The following SH3GL3 variants were observed in gnomAD, a reference collection of about 807,000 sequenced individuals.
SH3GL3 encodes the protein endophilin-A3.
Under a neutral mutation model 47.7 loss-of-function variants are expected in SH3GL3, and 33 were observed. The ratio of observed to expected loss-of-function variants is 0.69; its 90% CI spans 0.52 to 0.92. The LOEUF (loss-of-function observed/expected upper bound fraction) is 0.92, where lower values mean the gene tolerates loss of function less well. SH3GL3 is among the 40% of genes least tolerant of loss of function. The pLI, the probability that SH3GL3 is intolerant of heterozygous loss-of-function variation, is 0.00. For missense variants in SH3GL3, 363 were observed against 417.8 expected (o/e 0.87, Z 1.14); for synonymous variants, 155 against 148.8 (o/e 1.04, Z -0.30).
intron 1 of SH3GL3, among the ~76,000 whole-genome samples, chr15:83,557,475 A>G (rs989614013): frequency 1.3e-5 from 2 of 152,196 alleles, no homozygotes; most frequent in African/African-American, 2.4e-5. Flanking sequence ...GATAACTTCT[A>G]TTATGTGGCA....
rs2060887929 is a variant in SH3GL3, at chr15:83,618,509, A to C, written c.*222A>C. ...TTTCTTTTTTGCTTCCTGTCCTAAA[A>C]GTCATTGGTTAAATGTATTTGCTTC... On this transcript the variant is annotated 3_prime_UTR_variant, in exon 9 of 9. Coordinates refer to ENST00000427482, the MANE Select transcript of SH3GL3 (RefSeq NM_003027.5). The C allele has an allele frequency of 2.0e-6, 1 of 512,616 alleles. No individual in the cohort carries two copies. The allele number at this position is 512,616 out of a possible 1,614,324, so 31.8% of individuals were successfully genotyped here. A position where few individuals can be genotyped will look rare whatever the true frequency, so the allele number is the denominator to read the frequency against.
At chr15:83,525,559 C>T (rs2043385162) in intron 1 of SH3GL3, among the ~76,000 whole-genome samples, 2 of 151,996 alleles carry the variant, frequency 1.3e-5, no homozygotes, top group African/African-American at 4.8e-5. Context: ...GTTTTTCTTA[C>T]CCATGCTTCT....
chr15:83,586,890 C>CT, intron 6 of SH3GL3, 93 bp from the exon 7 acceptor site: 1 of 618,584 alleles, frequency 1.6e-6, no homozygotes, highest in Non-Finnish European at 2.9e-6. Flanking sequence ...CTGGTCTTCC[C>CT]TGCAAAGCTA....
chr15:83,627,724 T>G, the SH3GL3 span, among the ~76,000 whole-genome samples: 1 of 152,196 alleles, frequency 6.6e-6, no homozygotes, highest in Non-Finnish European at 1.5e-5. Context: ...CATCCATGAT[T>G]GAGAAAAAGT....
intron 1 of SH3GL3, among the ~76,000 whole-genome samples, chr15:83,518,491 G>C (rs980804534): frequency 6.6e-6 from 1 of 152,216 alleles, no homozygotes; most frequent in African/African-American, 2.4e-5. Flanking sequence ...GATGATTAGA[G>C]ATGTGGAGCA....
At chr15:83,587,694 CAAAG>C (rs1013402275) in intron 7 of SH3GL3, among the ~76,000 whole-genome samples, 3 of 152,008 alleles carry the variant, frequency 2.0e-5, no homozygotes, top group African/African-American at 7.3e-5. Flanking sequence ...TCTGAACAAT[CAAAG>C]AAAGGTTTCT....
chr15:83,591,329 G>C (rs1032822543), intron 8 of SH3GL3, among the ~76,000 whole-genome samples: 5 of 152,216 alleles, frequency 3.3e-5, no homozygotes, highest in Middle Eastern at 3.4e-3. Flanking sequence ...TTTTTCTTAA[G>C]TCCACTTTGT....
At chr15:83,627,212 AC>A in the SH3GL3 span, among the ~76,000 whole-genome samples, 5 of 152,232 alleles carry the variant, frequency 3.3e-5, no homozygotes, top group African/African-American at 4.8e-5. Context: ...CCTGGCTAAC[AC>A]GGTGAAACCC....
chr15:83,489,836 C>CTGAT (rs2041784362), intron 1 of SH3GL3, among the ~76,000 whole-genome samples: 3 of 125,350 alleles, frequency 2.4e-5, no homozygotes, highest in Non-Finnish European at 3.3e-5. Flanking sequence ...TTGTCAGAAG[C>CTGAT]CGATAGATAG....
At chr15:83,624,695 A>G in the SH3GL3 span, among the ~76,000 whole-genome samples, 1 of 152,188 alleles carries the variant, frequency 6.6e-6, no homozygotes, top group Non-Finnish European at 1.5e-5. Context: ...GGAATAAAAT[A>G]TCTGGGATGT....
chr15:83,470,640 T>C (rs1247433876), intron 1 of SH3GL3, among the ~76,000 whole-genome samples: 1 of 152,244 alleles, frequency 6.6e-6, no homozygotes, highest in Non-Finnish European at 1.5e-5. Flanking sequence ...TAATTACTTA[T>C]ATGTTAGCGC....
chr15:83,630,606 C>A, the SH3GL3 span, among the ~76,000 whole-genome samples: 4 of 152,126 alleles, frequency 2.6e-5, no homozygotes, highest in East Asian at 7.8e-4. Context: ...GCAGGAAGAA[C>A]TATGAGCAAA....
At chr15:83,497,676 C>T (rs189840404) in intron 1 of SH3GL3, among the ~76,000 whole-genome samples, 1 of 152,184 alleles carries the variant, frequency 6.6e-6, no homozygotes, top group Non-Finnish European at 1.5e-5. Flanking sequence ...TTTTAGAAAG[C>T]ATATCTCTAC....
chr15:83,632,580 A>G, the SH3GL3 span, among the ~76,000 whole-genome samples: 1 of 152,242 alleles, frequency 6.6e-6, no homozygotes, highest in Non-Finnish European at 1.5e-5. Context: ...ACTCACAATC[A>G]TGGTGGAAGG....
At chr15:83,556,332 A>G (rs905160061) in intron 1 of SH3GL3, among the ~76,000 whole-genome samples, 5 of 152,262 alleles carry the variant, frequency 3.3e-5, no homozygotes, top group African/African-American at 1.2e-4. Flanking sequence ...TAATGTATCA[A>G]AACAGTAAAC....
intron 6 of SH3GL3, among the ~76,000 whole-genome samples, chr15:83,583,605 A>G (rs977998970): frequency 6.6e-6 from 1 of 152,174 alleles, no homozygotes; most frequent in African/African-American, 2.4e-5. Context: ...TTCCATCCCC[A>G]GGACTAAGAT....
intron 1 of SH3GL3, among the ~76,000 whole-genome samples, chr15:83,468,806 T>G (rs899135974): frequency 2.0e-4 from 31 of 151,902 alleles, no homozygotes; most frequent in South Asian, 1.0e-3. Flanking sequence ...TAGTGTTTTT[T>G]TTTTTTTTTT....
At chr15:83,519,695 C>G (rs1264718045) in intron 1 of SH3GL3, among the ~76,000 whole-genome samples, 4 of 152,120 alleles carry the variant, frequency 2.6e-5, no homozygotes, top group Non-Finnish European at 4.4e-5. Context: ...ACTTCCTCTT[C>G]CACTCTCTTA....
downstream of SH3GL3, among the ~76,000 whole-genome samples, chr15:83,621,488 C>T (rs1439009893): frequency 6.6e-6 from 1 of 152,158 alleles, no homozygotes; most frequent in Non-Finnish European, 1.5e-5. Flanking sequence ...CAGTCAGGTT[C>T]ACCATCTTAT....
Sources: gnomAD v4.1 joint callset for allele counts (sites outside exome capture counted in the v4.1 genomes callset) on GRCh38, gnomAD v4.1.1 for gene constraint, MANE v1.5 for transcripts, NCBI Gene and HGNC (gene_info 2026-07-23, HGNC 2026-07-21) for gene names.